UVRAG: variants seen among roughly 807,000 people sequenced by gnomAD.
UVRAG encodes the protein UV radiation resistance-associated gene protein.
UVRAG carries 19 observed loss-of-function variants against 78.0 expected under a neutral mutation model. The ratio of observed to expected loss-of-function variants is 0.24; its 90% CI spans 0.17 to 0.36. UVRAG has a LOEUF of 0.36. Among genes scored for constraint, UVRAG ranks in the 10% least tolerant of loss-of-function variants. The pLI is 1.00. For missense variants in UVRAG, 740 were observed against 853.8 expected, an observed-to-expected ratio of 0.87 and a Z score of 1.66; for synonymous variants, 323 against 324.6, an observed-to-expected ratio of 1.00 and a Z score of 0.05.
At chr11:75,817,320 T>G (rs1031288409) in intron 1 of UVRAG, among the ~76,000 whole-genome samples, 2 of 152,198 alleles carry the variant, frequency 1.3e-5, no homozygotes, top group Non-Finnish European at 2.9e-5. Flanking sequence ...ATTTACTTCA[T>G]GGAGCCTATT....
At position 75,931,562 on chromosome 11, in the gene UVRAG, A is replaced by G. The variant is rs953360255; in HGVS notation, c.593+19523A>G. Among the ~76,000 whole-genome samples the G allele has an allele frequency of 4.6e-5, 7 of 152,324 alleles. No individual in the cohort carries two copies. In the East Asian group the frequency reaches 1.3e-3, roughly 29 times the overall value. On this transcript the variant is annotated intron_variant, in intron 6 of 14. Transcript: ENST00000356136. ...CAATTTTTAAAAAATCAAATTCTAAAATGAAAAGTAAAAGTTCTCGTTCAA... is the reference window on the plus strand; with the variant it reads ...CAATTTTTAAAAAATCAAATTCTAAGATGAAAAGTAAAAGTTCTCGTTCAA...
intron 6 of UVRAG, among the ~76,000 whole-genome samples, chr11:75,937,919 A>C (rs1022111598): frequency 1.7e-4 from 26 of 151,936 alleles, no homozygotes; most frequent in African/African-American, 6.0e-4. Flanking sequence ...GATGCCTTTT[A>C]TTTTGTTTTT....
At chr11:76,056,550 A>AT (rs1251475664) in intron 12 of UVRAG, among the ~76,000 whole-genome samples, 2 of 151,676 alleles carry the variant, frequency 1.3e-5, no homozygotes, top group South Asian at 2.1e-4. Flanking sequence ...TTTTCCTTGC[A>AT]TTTTTTTCCT....
chr11:75,943,434 TC>T (rs1245734826), intron 6 of UVRAG, among the ~76,000 whole-genome samples: 2 of 152,138 alleles, frequency 1.3e-5, no homozygotes. Flanking sequence ...TCTGTATACT[TC>T]CTCAAGTGTG....
intron 13 of UVRAG, among the ~76,000 whole-genome samples, chr11:76,102,593 T>C (rs1951896595): frequency 6.6e-6 from 1 of 152,146 alleles, no homozygotes; most frequent in Non-Finnish European, 1.5e-5. Context: ...TGGCCAGGAC[T>C]TCCAATACTA....
chr11:76,007,660 A>G (rs2135346134), intron 10 of UVRAG, 39 bp downstream of exon 10: 1 of 1,510,978 alleles, frequency 6.6e-7, no homozygotes, highest in Non-Finnish European at 9.2e-7. Flanking sequence ...TTCGTTTTGA[A>G]AAGATGATTT....
intron 4 of UVRAG, among the ~76,000 whole-genome samples, chr11:75,888,474 G>T (rs1473519996): frequency 6.6e-6 from 1 of 152,126 alleles, no homozygotes; most frequent in Non-Finnish European, 1.5e-5. Flanking sequence ...AATACTTTTA[G>T]AATTAATAAA....
intron 1 of UVRAG, among the ~76,000 whole-genome samples, chr11:75,838,635 G>T (rs1945839262): frequency 6.6e-6 from 1 of 152,274 alleles, no homozygotes; most frequent in South Asian, 2.1e-4. Flanking sequence ...TTACAGGTAT[G>T]GGCCACCGTA....
At chr11:75,962,032 A>T (rs946274072) in intron 7 of UVRAG, among the ~76,000 whole-genome samples, 11 of 152,176 alleles carry the variant, frequency 7.2e-5, no homozygotes, top group African/African-American at 2.7e-4. Context: ...CAGATTTAAG[A>T]TATTAGTATA....
At chr11:75,963,556 TC>T (rs1948950636) in intron 7 of UVRAG, among the ~76,000 whole-genome samples, 1 of 152,204 alleles carries the variant, frequency 6.6e-6, no homozygotes, top group Non-Finnish European at 1.5e-5. Context: ...TTCCAACCCA[TC>T]CATTTCCGAT....
At chr11:75,953,567 T>G (rs1031747182) in intron 6 of UVRAG, among the ~76,000 whole-genome samples, 5 of 152,200 alleles carry the variant, frequency 3.3e-5, no homozygotes, top group Non-Finnish European at 7.4e-5. Flanking sequence ...TAAACTTGAA[T>G]GCAGGGTTTC....
intron 6 of UVRAG, among the ~76,000 whole-genome samples, chr11:75,928,110 A>G (rs1948153402): frequency 6.8e-6 from 1 of 147,956 alleles, no homozygotes; most frequent in Non-Finnish European, 1.5e-5. Flanking sequence ...CTCTAAAAAG[A>G]AAAAAAAAAT....
At chr11:76,060,404 C>T (rs533274768) in intron 12 of UVRAG, among the ~76,000 whole-genome samples, 73 of 152,330 alleles carry the variant, frequency 4.8e-4, no homozygotes, top group African/African-American at 1.6e-3. Context: ...GGGGTGACAG[C>T]GTGCTGACAG....
rs1220369241 is a variant in UVRAG at position 76,006,685 on chromosome 11, A to AAG, written c.912-839_912-838dup. On this transcript the variant is annotated intron_variant, in intron 9 of 14. Coordinates refer to ENST00000356136, the MANE Select transcript of UVRAG (RefSeq NM_003369.4). The stretch of plus-strand genomic sequence containing the variant: ...CAAAAAAAAAAAAAAAAAAAAAAAA[A>AAG]AGAGAGAGAGAAGGGTAATTTCATA... Among the ~76,000 whole-genome samples, 73 of 149,340 alleles carry AAG rather than the reference A, an allele frequency of 4.9e-4. 3 individuals are homozygous for AAG. Among genetic ancestry groups the AAG allele is most frequent in the African/African-American group, 1.4e-3 (56 of 40,178 alleles).
At chr11:75,885,461 A>G (rs1947054432) in intron 4 of UVRAG, among the ~76,000 whole-genome samples, 1 of 152,160 alleles carries the variant, frequency 6.6e-6, no homozygotes, top group East Asian at 1.9e-4. Flanking sequence ...AGTATTTAAG[A>G]AAACAGAAGC....
At chr11:75,902,277 G>A (rs769188242) in intron 5 of UVRAG, among the ~76,000 whole-genome samples, 1 of 152,150 alleles carries the variant, frequency 6.6e-6, no homozygotes, top group Admixed American at 6.5e-5. Context: ...GGACGGGAGT[G>A]GGGACGGTTT....
chr11:75,930,630 G>GT (rs1444373977), intron 6 of UVRAG, among the ~76,000 whole-genome samples: 1 of 152,204 alleles, frequency 6.6e-6, no homozygotes, highest in East Asian at 1.9e-4. Flanking sequence ...GCTGTCCCCT[G>GT]TAGCCTTGGA....
chr11:75,993,929 A>G (rs1270253242), intron 8 of UVRAG, among the ~76,000 whole-genome samples: 5 of 152,116 alleles, frequency 3.3e-5, no homozygotes, highest in African/African-American at 4.8e-5. Context: ...GAGAATTGCC[A>G]TACTCTTTTA....
intron 13 of UVRAG, among the ~76,000 whole-genome samples, chr11:76,078,994 G>A (rs1228408205): frequency 7.2e-5 from 11 of 152,176 alleles, no homozygotes; most frequent in African/African-American, 2.4e-4. Flanking sequence ...TGGGCAGATA[G>A]TATCTTTCTG....
Sources: allele counts gnomAD v4.1 joint callset (sites outside exome capture counted in the v4.1 genomes callset), GRCh38; gene constraint gnomAD v4.1.1; transcripts MANE v1.5; gene names NCBI Gene and HGNC (gene_info 2026-07-23, HGNC 2026-07-21).